The following GPC5 variants were observed in gnomAD, a reference collection of about 807,000 sequenced individuals.
The protein encoded by GPC5 is glypican-5.
Under a neutral mutation model 53.9 loss-of-function variants are expected in GPC5, and 47 were observed. The observed-to-expected ratio is 0.87, with a 90% CI of 0.69 to 1.11. The LOEUF (loss-of-function observed/expected upper bound fraction) is 1.11, where lower values mean the gene tolerates loss of function less well. Among genes scored for constraint, GPC5 ranks in the 50% most tolerant of loss-of-function variants. GPC5 has a pLI of 0.00. For missense variants in GPC5, 748 were observed against 713.1 expected, an observed-to-expected ratio of 1.05 and a Z score of -0.56; for synonymous variants, 286 against 263.3, an observed-to-expected ratio of 1.09 and a Z score of -0.84.
intron 7 of GPC5, among the ~76,000 whole-genome samples, chr13:92,186,851 C>A (rs1281237458): frequency 6.6e-6 from 1 of 152,156 alleles, no homozygotes; most frequent in Non-Finnish European, 1.5e-5. Context: ...TCCGCTCATG[C>A]CTGTAATCCC....
intron 7 of GPC5, among the ~76,000 whole-genome samples, chr13:92,488,358 ATGCT>A (rs1879637219): frequency 6.6e-6 from 1 of 152,208 alleles, no homozygotes; most frequent in Non-Finnish European, 1.5e-5. Flanking sequence ...ATCCTATCCA[ATGCT>A]TACTTCAGAT....
intron 2 of GPC5, among the ~76,000 whole-genome samples, chr13:91,686,072 T>G (rs527241687): frequency 9.2e-5 from 14 of 152,064 alleles, no homozygotes; most frequent in African/African-American, 3.4e-4. Context: ...GTTTCTGAGT[T>G]TAAAGATTAT....
At chr13:91,740,901 T>C (rs1339476563) in intron 4 of GPC5, among the ~76,000 whole-genome samples, 2 of 152,150 alleles carry the variant, frequency 1.3e-5, no homozygotes, top group Non-Finnish European at 2.9e-5. Flanking sequence ...ACATTATTAT[T>C]TCAAAGTGGT....
chr13:92,224,702 C>A (rs2042472409), intron 7 of GPC5, among the ~76,000 whole-genome samples: 1 of 152,184 alleles, frequency 6.6e-6, no homozygotes, highest in Admixed American at 6.5e-5. Flanking sequence ...ACAACCACAA[C>A]CTTGACTCAT....
chr13:91,972,212 A>G (rs1342130331), intron 6 of GPC5, among the ~76,000 whole-genome samples: 1 of 152,118 alleles, frequency 6.6e-6, no homozygotes, highest in African/African-American at 2.4e-5. Context: ...TCCCTTTACC[A>G]TTATGTAATG....
intron 3 of GPC5, among the ~76,000 whole-genome samples, chr13:91,695,628 G>A (rs763459834): frequency 1.6e-4 from 25 of 152,026 alleles, no homozygotes; most frequent in Non-Finnish European, 2.8e-4. Flanking sequence ...GCCCGCCTCG[G>A]CCTCCCAAAG....
chr13:92,355,378 C>G (rs1323013842), intron 7 of GPC5, among the ~76,000 whole-genome samples: 1 of 152,046 alleles, frequency 6.6e-6, no homozygotes, highest in Non-Finnish European at 1.5e-5. Context: ...CCTAAGGACA[C>G]TGCTCCCCCT....
chr13:91,702,181 T>C (rs1039592193), intron 3 of GPC5, among the ~76,000 whole-genome samples: 2 of 152,150 alleles, frequency 1.3e-5, no homozygotes, highest in Non-Finnish European at 1.5e-5. Context: ...TCCTTATGTA[T>C]TTTGGCTATG....
rs1012559961 is a variant in GPC5 at position 92,124,749 on chromosome 13, T to TA, written c.1402-20072dup. On this transcript the variant is annotated intron_variant, in intron 6 of 7. Coordinates refer to ENST00000377067, the MANE Select transcript of GPC5 (RefSeq NM_004466.6). ...TATACTCTGGGAGTGAAGAGCAGGA[T>TA]AAAAAAAAACTGTAGAGACCACTAC... Among the ~76,000 whole-genome samples, 141 of 151,196 alleles carry TA rather than the reference T, an allele frequency of 9.3e-4. 1 individual carries two copies. The highest frequency in any genetic ancestry group is 2.6e-3 in the African/African-American group (108 of 41,262).
chr13:91,572,111 ATGTATATATACGTG>A (rs2031911019), intron 2 of GPC5, among the ~76,000 whole-genome samples: 1 of 113,940 alleles, frequency 8.8e-6, no homozygotes, highest in Non-Finnish European at 1.9e-5. Flanking sequence ...ATATACACAC[ATGTATATATACGTG>A]TGTATATACA....
chr13:91,833,486 T>C (rs995907518), intron 5 of GPC5, among the ~76,000 whole-genome samples: 4 of 152,124 alleles, frequency 2.6e-5, no homozygotes, highest in Non-Finnish European at 5.9e-5. Context: ...TGAACATCAA[T>C]GCAAAAATCC....
At chr13:91,471,963 G>C (rs1158031958) in intron 2 of GPC5, among the ~76,000 whole-genome samples, 2 of 151,988 alleles carry the variant, frequency 1.3e-5, no homozygotes, top group African/African-American at 4.8e-5. Context: ...ATTCTTTGGT[G>C]CTTTGCATTT....
chr13:91,903,848 T>C (rs1056318863), intron 5 of GPC5, among the ~76,000 whole-genome samples: 1 of 152,092 alleles, frequency 6.6e-6, no homozygotes, highest in Non-Finnish European at 1.5e-5. Flanking sequence ...AGCAATTCCT[T>C]AGATTAACAT....
At chr13:91,484,668 C>A (rs945836788) in intron 2 of GPC5, among the ~76,000 whole-genome samples, 1 of 152,096 alleles carries the variant, frequency 6.6e-6, no homozygotes, top group African/African-American at 2.4e-5. Context: ...AAAGAAGTGA[C>A]ATTTTTCTTC....
intron 7 of GPC5, among the ~76,000 whole-genome samples, chr13:92,230,946 T>C (rs1180699827): frequency 6.6e-6 from 1 of 152,168 alleles, no homozygotes; most frequent in Non-Finnish European, 1.5e-5. Context: ...AATAAATAAA[T>C]TGTCCTTAGA....
At chr13:91,497,700 C>T (rs934717220) in intron 2 of GPC5, among the ~76,000 whole-genome samples, 1 of 152,128 alleles carries the variant, frequency 6.6e-6, no homozygotes, top group Admixed American at 6.5e-5. Context: ...GAAGGCAGGG[C>T]AGCAGTTTTG....
chr13:92,801,200 T>C (rs911452875), intron 7 of GPC5, among the ~76,000 whole-genome samples: 7 of 151,704 alleles, frequency 4.6e-5, no homozygotes, highest in Non-Finnish European at 8.8e-5. Flanking sequence ...TTTATATTTA[T>C]ACAGTCTACC....
intron 7 of GPC5, among the ~76,000 whole-genome samples, chr13:92,573,665 T>C (rs1250556070): frequency 6.6e-6 from 1 of 152,062 alleles, no homozygotes; most frequent in Non-Finnish European, 1.5e-5. Flanking sequence ...GTTCAGGCGG[T>C]TGCACCCTTG....
chr13:92,752,010 C>CTGTT (rs1227779572), intron 7 of GPC5, among the ~76,000 whole-genome samples: 1 of 151,358 alleles, frequency 6.6e-6, no homozygotes, highest in African/African-American at 2.4e-5. Flanking sequence ...ATAATAGTAT[C>CTGTT]TGTTTTAATT....
Sources: allele counts gnomAD v4.1 joint callset (sites outside exome capture counted in the v4.1 genomes callset), GRCh38; gene constraint gnomAD v4.1.1; transcripts MANE v1.5; gene names NCBI Gene and HGNC (gene_info 2026-07-23, HGNC 2026-07-21).